The following MYO9A variants were observed in gnomAD, a reference collection of about 807,000 sequenced individuals.
The protein encoded by MYO9A is myosin IXA, also known as unconventional myosin-IXa.
In MYO9A, 103 loss-of-function variants were observed where a neutral mutation model predicts 293.3. The observed-to-expected ratio is 0.35, with a 90% confidence interval of 0.30 to 0.41. The LOEUF (loss-of-function observed/expected upper bound fraction) is 0.41, where lower values mean the gene tolerates loss of function less well. Among genes scored for constraint, MYO9A ranks in the 10% least tolerant of loss-of-function variants. The pLI, the probability that MYO9A is intolerant of heterozygous loss-of-function variation, is 1.00. For missense variants in MYO9A, 2,685 were observed against 3,033.0 expected (o/e 0.89, Z 2.69); for synonymous variants, 1,001 against 1,035.7 (o/e 0.97, Z 0.64).
At chr15:71,886,729 G>T (rs986057836) in intron 27 of MYO9A, among the ~76,000 whole-genome samples, 9 of 151,932 alleles carry the variant, frequency 5.9e-5, no homozygotes, top group Non-Finnish European at 2.9e-5. Context: ...TCACTTCTAA[G>T]TTTTTTTGAG....
chr15:71,992,869 G>T (rs2076580337), intron 10 of MYO9A, among the ~76,000 whole-genome samples: 1 of 151,490 alleles, frequency 6.6e-6, no homozygotes, highest in African/African-American at 2.4e-5. Flanking sequence ...TCCTCTGTAA[G>T]TAAAATACAT....
chr15:71,947,261 G>A lies in MYO9A; in HGVS notation c.2302+4516C>T, dbSNP rs182179592. On this transcript the variant is annotated intron_variant, in intron 15 of 41. Transcript: ENST00000356056. ...CATGCCACTGCACTCCAGCCTGTGT[G>A]ACAAGCCAGACTCCATCTCAGGAAA... Among the ~76,000 whole-genome samples the A allele has an allele frequency of 5.1e-5, 7 of 137,374 alleles. No individual in the cohort carries two copies. In the East Asian group the frequency reaches 1.0e-3, roughly 20 times the overall value. The allele number at this position is 137,374 out of a possible 152,430, so 90.1% of individuals were successfully genotyped here. A position where few individuals can be genotyped will look rare whatever the true frequency, so the allele number is the denominator to read the frequency against.
intron 1 of MYO9A, among the ~76,000 whole-genome samples, chr15:72,071,813 T>C (rs1440516947): frequency 6.6e-6 from 1 of 151,870 alleles, no homozygotes; most frequent in Non-Finnish European, 1.5e-5. Context: ...GTAAACAGTA[T>C]GGAGATTTCT....
intron 1 of MYO9A, among the ~76,000 whole-genome samples, chr15:72,054,678 C>CAAAA (rs11284116): frequency 1.7e-4 from 11 of 63,926 alleles, no homozygotes; most frequent in African/African-American, 5.4e-4. Context: ...GACTCTGTCT[C>CAAAA]AAAAAAAAAA....
intron 6 of MYO9A, among the ~76,000 whole-genome samples, chr15:72,013,698 G>A (rs1051584718): frequency 1.8e-4 from 27 of 152,212 alleles, no homozygotes; most frequent in African/African-American, 4.8e-4. Flanking sequence ...CATGGAGTAG[G>A]CAATTAGTGT....
intron 19 of MYO9A, among the ~76,000 whole-genome samples, chr15:71,905,379 T>C (rs2057601202): frequency 6.6e-6 from 1 of 152,242 alleles, no homozygotes; most frequent in South Asian, 2.1e-4. Context: ...GCCCTTGCTT[T>C]ACTTTAAATG....
chr15:71,824,516 C>T lies in MYO9A; in HGVS notation c.*2064G>A, dbSNP rs1319266786. 1 of 152,208 alleles carries T rather than the reference C, an allele frequency of 6.6e-6. No homozygotes were observed. Among genetic ancestry groups the T allele is most frequent in the East Asian group, 1.9e-4 (1 of 5,194 alleles). 9.4% of individuals were successfully genotyped at this position (152,208 alleles called of 1,614,324 possible). ...AATTAATGCCCAGCAGTACACTACT[C>T]TCCCAAGAACACTGAAACACAGACT... On this transcript the variant is annotated 3_prime_UTR_variant, in exon 42 of 42. Coordinates refer to ENST00000356056, the MANE Select transcript of MYO9A (RefSeq NM_006901.4).
intron 8 of MYO9A, among the ~76,000 whole-genome samples, chr15:72,002,534 A>G (rs1236264771): frequency 2.0e-5 from 3 of 152,210 alleles, no homozygotes; most frequent in African/African-American, 7.2e-5. Context: ...CAACAACAAA[A>G]AAGAAGAATA....
chr15:72,043,151 A>G (rs1596457663), intron 2 of MYO9A, among the ~76,000 whole-genome samples: 1 of 152,188 alleles, frequency 6.6e-6, no homozygotes. Context: ...ACGTGTAACT[A>G]TCAACTGTAT....
chr15:71,875,658 T>C, intron 32 of MYO9A, 133 bp downstream of exon 32: 1 of 395,114 alleles, frequency 2.5e-6, no homozygotes, highest in Non-Finnish European at 4.5e-6. Context: ...TTTGTAAAGA[T>C]ATAAATATGA....
intron 1 of MYO9A, among the ~76,000 whole-genome samples, chr15:72,080,124 T>G (rs2079494644): frequency 6.6e-6 from 1 of 151,974 alleles, no homozygotes; most frequent in Non-Finnish European, 1.5e-5. Context: ...ACATACACAC[T>G]CCTCCCTGGT....
rs746589231 is a variant in MYO9A, at chr15:71,823,787, T to C, written c.*2793A>G. 6.6e-6 allele frequency: 1 copy of C among 152,066 alleles called. No individual in the cohort carries two copies. 9.4% of individuals were successfully genotyped at this position (152,066 alleles called of 1,614,324 possible). A position where few individuals can be genotyped will look rare whatever the true frequency, so the allele number is the denominator to read the frequency against. On this transcript the variant is annotated 3_prime_UTR_variant, in exon 42 of 42. Transcript: ENST00000356056. ...GAGAAGAGTGCTCTGCATTTTGGAGTATGGGCTCCAAATGTGGAGCTGCCC... is the reference window on the plus strand; with the variant it reads ...GAGAAGAGTGCTCTGCATTTTGGAGCATGGGCTCCAAATGTGGAGCTGCCC...
At chr15:71,986,582 C>G (rs562768658) in intron 11 of MYO9A, among the ~76,000 whole-genome samples, 5 of 152,072 alleles carry the variant, frequency 3.3e-5, no homozygotes, top group Non-Finnish European at 7.4e-5. Context: ...TAGGCCTATG[C>G]TAATATGCTA....
At chr15:72,038,028 T>C (rs898725202) in intron 2 of MYO9A, among the ~76,000 whole-genome samples, 7 of 150,976 alleles carry the variant, frequency 4.6e-5, no homozygotes, top group African/African-American at 1.2e-4. Context: ...CATCCTCCCA[T>C]CTCAGCCTTC....
chr15:71,912,219 T>C (rs1166586904), intron 19 of MYO9A, among the ~76,000 whole-genome samples: 1 of 152,096 alleles, frequency 6.6e-6, no homozygotes, highest in Non-Finnish European at 1.5e-5. Context: ...TATACTATTA[T>C]TTTTGTTTTC....
intron 15 of MYO9A, among the ~76,000 whole-genome samples, chr15:71,945,663 T>C (rs1329218308): frequency 1.3e-5 from 2 of 152,270 alleles, no homozygotes; most frequent in Middle Eastern, 3.4e-3. Context: ...GGAAGTGTGA[T>C]TCCTTCACAC....
chr15:72,072,738 C>T (rs1284055408), intron 1 of MYO9A, among the ~76,000 whole-genome samples: 1 of 151,996 alleles, frequency 6.6e-6, no homozygotes, highest in East Asian at 1.9e-4. Context: ...ACACTGGGGA[C>T]TCCAAGGAGT....
chr15:71,842,565 T>TA (rs576835660), intron 39 of MYO9A, among the ~76,000 whole-genome samples: 11 of 151,460 alleles, frequency 7.3e-5, no homozygotes, highest in Non-Finnish European at 1.5e-4. Context: ...CTGCTTTTAA[T>TA]ATTTCTATAT....
intron 1 of MYO9A, among the ~76,000 whole-genome samples, chr15:72,066,561 A>G (rs1205975799): frequency 6.6e-6 from 1 of 152,168 alleles, no homozygotes; most frequent in Non-Finnish European, 1.5e-5. Flanking sequence ...ATTTATATGA[A>G]GTTCACAAAC....
Sources: allele counts gnomAD v4.1 joint callset (sites outside exome capture counted in the v4.1 genomes callset), GRCh38; gene constraint gnomAD v4.1.1; transcripts MANE v1.5; gene names NCBI Gene and HGNC (gene_info 2026-07-23, HGNC 2026-07-21).